MAP2K6: variants seen among roughly 807,000 people sequenced by gnomAD.
MAP2K6 encodes the protein dual specificity mitogen-activated protein kinase kinase 6.
A neutral mutation model predicts 53.7 loss-of-function variants in MAP2K6; 16 were observed. The ratio of observed to expected loss-of-function variants is 0.30; its 90% CI spans 0.20 to 0.45. The LOEUF (loss-of-function observed/expected upper bound fraction) is 0.45. Among genes scored for constraint, MAP2K6 ranks in the 20% least tolerant of loss-of-function variants. The probability of loss-of-function intolerance (pLI) is 1.00; values close to 1 mark genes in which losing one functional copy is unlikely to be tolerated. For synonymous variants in MAP2K6, 132 were observed against 143.1 expected (o/e 0.92, Z 0.55); for missense variants, 204 against 411.9 (o/e 0.50, Z 4.37).
At position 69,505,777 on chromosome 17, in the gene MAP2K6, T is replaced by C. The variant is rs1388272655; in HGVS notation, c.17-3T>C. ...AACTTTTTCCTTTTGTCTTTCCCCA[T>C]AGGCAAGAAGCGAAACCCTGGCCTT... On this transcript the variant is annotated splice_polypyrimidine_tract_variant and splice_region_variant and intron_variant, in intron 1 of 11. Transcript: ENST00000590474. The C allele has an allele frequency of 1.2e-6, 2 of 1,612,602 alleles. No homozygotes were observed. The highest frequency in any genetic ancestry group is 1.7e-6 in the Non-Finnish European group (2 of 1,178,830).
At chr17:69,449,569 C>CTTTCTTTCTT (rs1907124621) in intron 1 of MAP2K6, among the ~76,000 whole-genome samples, 1 of 103,238 alleles carries the variant, frequency 9.7e-6, no homozygotes, top group African/African-American at 3.5e-5. Context: ...TTATTTCTTT[C>CTTTCTTTCTT]TTTCTTTCTT....
intron 9 of MAP2K6, among the ~76,000 whole-genome samples, chr17:69,526,094 G>A (rs1910753595): frequency 6.6e-6 from 1 of 152,098 alleles, no homozygotes; most frequent in Admixed American, 6.5e-5. Context: ...ATGCAAAGTG[G>A]CCTTTTCTCA....
At chr17:69,516,107 T>C (rs113314352) in intron 2 of MAP2K6, among the ~76,000 whole-genome samples, 5,280 of 152,144 alleles carry the variant, frequency 0.035, 260 homozygotes, top group African/African-American at 0.1. Context: ...TCAAGCACAT[T>C]ACATTTATTG....
chr17:69,448,766 T>C (rs1907069773), intron 1 of MAP2K6, among the ~76,000 whole-genome samples: 1 of 152,254 alleles, frequency 6.6e-6, no homozygotes, highest in Non-Finnish European at 1.5e-5. Context: ...CTTTGCAGCA[T>C]TGCTCAGAGG....
At chr17:69,536,255 A>G in intron 11 of MAP2K6, 95 bp downstream of exon 11, 1 of 885,996 alleles carries the variant, frequency 1.1e-6, no homozygotes, top group Non-Finnish European at 1.8e-6. Flanking sequence ...CCATATTGGA[A>G]GAGTTGGTTC....
intron 1 of MAP2K6, among the ~76,000 whole-genome samples, chr17:69,497,069 A>G (rs1908981411): frequency 6.6e-6 from 1 of 152,186 alleles, no homozygotes; most frequent in African/African-American, 2.4e-5. Flanking sequence ...GAGCCTATAG[A>G]TTTTGCCTCT....
At chr17:69,526,461 C>A in intron 9 of MAP2K6, 109 bp from the exon 10 acceptor site, 1 of 1,222,892 alleles carries the variant, frequency 8.2e-7, no homozygotes, top group Non-Finnish European at 1.1e-6. Flanking sequence ...TGGACTTATA[C>A]TTGAACTTTG....
At chr17:69,529,565 C>A (rs1363262489) in intron 10 of MAP2K6, among the ~76,000 whole-genome samples, 2 of 138,194 alleles carry the variant, frequency 1.4e-5, no homozygotes, top group African/African-American at 5.6e-5. Flanking sequence ...GGCTGGAGTG[C>A]AGTGGCACGA....
intron 1 of MAP2K6, among the ~76,000 whole-genome samples, chr17:69,452,072 G>A (rs1036856110): frequency 1.3e-5 from 2 of 152,050 alleles, no homozygotes; most frequent in African/African-American, 4.8e-5. Flanking sequence ...CAAGAGTGTA[G>A]GTAGAGTCTA....
At chr17:69,460,140 G>A (rs1907572169) in intron 1 of MAP2K6, among the ~76,000 whole-genome samples, 1 of 152,088 alleles carries the variant, frequency 6.6e-6, no homozygotes, top group Non-Finnish European at 1.5e-5. Flanking sequence ...AACAAAAGTG[G>A]CCCCTTGCCT....
chr17:69,487,033 T>G (rs1908566039), intron 1 of MAP2K6, among the ~76,000 whole-genome samples: 1 of 152,230 alleles, frequency 6.6e-6, no homozygotes, highest in South Asian at 2.1e-4. Flanking sequence ...ACCTGGGTCG[T>G]GTCAAAACAG....
intron 1 of MAP2K6, among the ~76,000 whole-genome samples, chr17:69,492,126 C>A (rs1877195514): frequency 6.6e-6 from 1 of 152,092 alleles, no homozygotes; most frequent in Non-Finnish European, 1.5e-5. Flanking sequence ...TTCATAATTT[C>A]TTTAGCTGTG....
intron 5 of MAP2K6, 134 bp from the exon 6 acceptor site, chr17:69,520,136 G>A (rs1910387073): frequency 1.7e-6 from 1 of 599,086 alleles, no homozygotes. Context: ...CTTGACAGAA[G>A]ACACTGTATT....
intron 1 of MAP2K6, among the ~76,000 whole-genome samples, chr17:69,464,556 A>G (rs1907733427): frequency 6.6e-6 from 1 of 151,774 alleles, no homozygotes; most frequent in South Asian, 2.1e-4. Context: ...TAATTTTTGT[A>G]TTTTTAGTAA....
At chr17:69,445,700 C>G (rs1353496192) in intron 1 of MAP2K6, among the ~76,000 whole-genome samples, 1 of 151,972 alleles carries the variant, frequency 6.6e-6, no homozygotes, top group Non-Finnish European at 1.5e-5. Flanking sequence ...TATAAGAATT[C>G]TCTTTGGGTA....
chr17:69,457,943 G>A (rs1171843582), intron 1 of MAP2K6, among the ~76,000 whole-genome samples: 2 of 152,156 alleles, frequency 1.3e-5, no homozygotes, highest in Non-Finnish European at 2.9e-5. Flanking sequence ...GCTCTAGGCT[G>A]GTCTCAAATT....
Position 69,552,054 on chromosome 17 carries a change from A to G in MAP2K6, c.*10301A>G, listed in dbSNP as rs1363237514. The G allele has an allele frequency of 1.3e-5, 2 of 152,248 alleles. No homozygotes were observed. Among genetic ancestry groups the G allele is most frequent in the Non-Finnish European group, 2.9e-5 (2 of 68,038 alleles). 9.4% of individuals were successfully genotyped at this position (152,248 alleles called of 1,614,324 possible). A position where few individuals can be genotyped will look rare whatever the true frequency, so the allele number is the denominator to read the frequency against. ...GTTTATTAATATGGACTTTGTAAGG[A>G]AACACAACAACACGTTTTCTTACCT... On this transcript the variant is annotated 3_prime_UTR_variant, in exon 12 of 12. Coordinates refer to ENST00000590474, the MANE Select transcript of MAP2K6 (RefSeq NM_002758.4).
chr17:69,511,468 T>C (rs1261673042), intron 2 of MAP2K6, among the ~76,000 whole-genome samples: 1 of 152,228 alleles, frequency 6.6e-6, no homozygotes, highest in Non-Finnish European at 1.5e-5. Flanking sequence ...TCAACGTGTG[T>C]GGCCCCTCTG....
At chr17:69,435,042 T>A (rs894731838) in intron 1 of MAP2K6, 2 of 152,342 alleles carry the variant, frequency 1.3e-5, no homozygotes, top group East Asian at 3.9e-4. Flanking sequence ...TGCACTCCAG[T>A]TGGGCTCAAG....
Sources: gnomAD v4.1 joint callset for allele counts (sites outside exome capture counted in the v4.1 genomes callset) on GRCh38, gnomAD v4.1.1 for gene constraint, MANE v1.5 for transcripts, NCBI Gene and HGNC (gene_info 2026-07-23, HGNC 2026-07-21) for gene names.